NR4A2: variants seen among roughly 807,000 people sequenced by gnomAD.
The protein encoded by NR4A2 is NGFI-B/nur77 beta-type transcription factor homolog.
In NR4A2, 1 loss-of-function variant was observed where a neutral mutation model predicts 50.5. The observed-to-expected ratio is 0.02, with a 90% CI of 0.01 to 0.09. The LOEUF (loss-of-function observed/expected upper bound fraction) is 0.09, where lower values mean the gene tolerates loss of function less well. Ranked by LOEUF, NR4A2 falls within the 10% of genes least tolerant of loss-of-function variation. The pLI, the probability that NR4A2 is intolerant of heterozygous loss-of-function variation, is 1.00. For missense variants in NR4A2, 613 were observed against 777.3 expected (o/e 0.79, Z 2.51); for synonymous variants, 328 against 309.4 (o/e 1.06, Z -0.63).
At position 156,330,202 on chromosome 2, in the gene NR4A2, A is replaced by G. The variant is rs777300922; in HGVS notation, c.-2-14T>C. On this transcript the variant is annotated splice_polypyrimidine_tract_variant and intron_variant, in intron 2 of 7. Transcript: ENST00000339562. ...CACAAGGCATGGCTGGAAATGAAAC[A>G]GGGTGATAACACACTCAGCCTGGTC... is the stretch of plus-strand genomic sequence containing the variant. 1 of 1,613,870 alleles carries G rather than the reference A, an allele frequency of 6.2e-7. No individual in the cohort carries two copies. Among genetic ancestry groups the G allele is most frequent in the South Asian group, 1.1e-5 (1 of 91,038 alleles).
chr2:156,329,274 G>C lies in NR4A2; in HGVS notation c.864+49C>G, dbSNP rs1345920126. On this transcript the variant is annotated intron_variant, in intron 3 of 7. Transcript: ENST00000339562. The surrounding 1 kb of genome is among the most constrained non-coding windows in gnomAD (Gnocchi z 7.5). The stretch of plus-strand genomic sequence containing the variant: ...GGCAGAGGGCACACTCCGAGGTCCC[G>C]GGCACTAGGGGCTCCCTACCTGCCT... The C allele has an allele frequency of 6.3e-7, 1 of 1,583,686 alleles. No homozygotes were observed. Among genetic ancestry groups the C allele is most frequent in the Non-Finnish European group, 8.6e-7 (1 of 1,165,158 alleles).
chr2:156,332,719 C>T lies in NR4A2; in HGVS notation c.-366G>A. The T allele has an allele frequency of 2.8e-6, 1 of 351,942 alleles. No individual in the cohort carries two copies. The highest frequency in any genetic ancestry group is 5.6e-6 in the Non-Finnish European group (1 of 177,216). 21.8% of individuals were successfully genotyped at this position (351,942 alleles called of 1,614,324 possible). ...CGCCAATGTGCCTTTGTTTATGTGG[C>T]TTGCGCTGCCGCTGCCAACATGCAC... On this transcript the variant is annotated 5_prime_UTR_variant, in exon 1 of 8. Transcript: ENST00000339562.
At position 156,326,844 on chromosome 2, in the gene NR4A2, C is replaced by G. The variant is rs1573812725; in HGVS notation, c.1235G>C (p.Gly412Ala). The change falls in exon 6 of 8, where the codon GGC (glycine) becomes GCC (alanine). Residue 412 changes from glycine to alanine, a missense_variant. This residue lies in a region of NR4A2 where 250 missense variants were observed against 311.3 expected (regional missense o/e 0.80). Coordinates refer to ENST00000339562, the MANE Select transcript of NR4A2 (RefSeq NM_006186.4). The surrounding 1 kb of genome is among the most constrained non-coding windows in gnomAD (Gnocchi z 4.2). The stretch of plus-strand genomic sequence containing the variant: ...CCAGCCCCGGATGATCTCCATGGAG[C>G]CAGTCAGGAGATCATAGAATTGCTG... ...HIQQFYDLLT[G>A]SMEIIRGWAE... 1.9e-6 allele frequency: 3 copies of G among 1,614,214 alleles called. No individual in the cohort carries two copies. The highest frequency in any genetic ancestry group is 2.5e-6 in the Non-Finnish European group (3 of 1,180,020).
Position 156,330,705 on chromosome 2 carries a change from G to A in NR4A2, c.-40C>T. The A allele has an allele frequency of 3.1e-6, 4 of 1,269,920 alleles. No homozygotes were observed. The highest frequency in any genetic ancestry group is 3.0e-6 in the Non-Finnish European group (3 of 1,008,552). 78.7% of individuals were successfully genotyped at this position (1,269,920 alleles called of 1,614,324 possible). On this transcript the variant is annotated 5_prime_UTR_variant, in exon 2 of 8. Coordinates refer to ENST00000339562, the MANE Select transcript of NR4A2 (RefSeq NM_006186.4). ...TACAGGCGTTTTCGAGGAAATTAAA[G>A]GTGGACAGTGTCGTAATTCAATGAA...
At position 156,328,388 on chromosome 2, in the gene NR4A2, G is replaced by A. The variant is rs756924048; in HGVS notation, c.994+16C>T. On this transcript the variant is annotated intron_variant, in intron 4 of 7. Coordinates refer to ENST00000339562, the MANE Select transcript of NR4A2 (RefSeq NM_006186.4). This position sits in a 1 kb window ranked among gnomAD's most constrained non-coding sequence, Gnocchi z 4.9. ...AAAGGCGCAAACTGGAGGGTCGGCA[G>A]CTCCCCTCAGCCTACCTTCTTTGAC... is the stretch of plus-strand genomic sequence containing the variant. 1.5e-5 allele frequency: 25 copies of A among 1,614,012 alleles called. No homozygotes were observed. Among genetic ancestry groups the A allele is most frequent in the Non-Finnish European group, 1.8e-5 (21 of 1,180,010 alleles).
rs772527371 is a variant in NR4A2 at position 156,327,871 on chromosome 2, T to C, written c.1138A>G (p.Thr380Ala). ...RAHVDSNPAM[T>A]SLDYSRFQAN... ...CTTACCCTGGAATAGTCCAGGCTGG[T>C]CATAGCCGGGTTGGAGTCGACATGG... Residue 380 changes from threonine to alanine, a missense_variant, in exon 5 of 8, where the codon ACC becomes GCC. Transcript: ENST00000339562. 1 of 1,587,862 alleles carries C rather than the reference T, an allele frequency of 6.3e-7. No homozygotes were observed. The highest frequency in any genetic ancestry group is 1.1e-5 in the South Asian group (1 of 87,278).
Position 156,332,543 on chromosome 2 carries a change from G to T in NR4A2, c.-190C>A. The T allele has an allele frequency of 7.8e-7, 1 of 1,287,868 alleles. No homozygotes were observed. The highest frequency in any genetic ancestry group is 1.0e-6 in the Non-Finnish European group (1 of 987,690). The allele number at this position is 1,287,868 out of a possible 1,614,324, so 79.8% of individuals were successfully genotyped here. The stretch of plus-strand genomic sequence containing the variant: ...TGCCGAAGTGCAGTTCCCTCTGGGA[G>T]CCCGGGCGCCGGGGTCGGGTAGGGG... On this transcript the variant is annotated 5_prime_UTR_variant, in exon 1 of 8. Coordinates refer to ENST00000339562, the MANE Select transcript of NR4A2 (RefSeq NM_006186.4).
chr2:156,328,189 G>A lies in NR4A2; in HGVS notation c.995-175C>T, dbSNP rs1235337864. ...ATTAAAAAATGCGGGGTTATTTTAT[G>A]TCTTCCTCCAAATGGGTCGTATAGT... On this transcript the variant is annotated intron_variant, in intron 4 of 7. Coordinates refer to ENST00000339562, the MANE Select transcript of NR4A2 (RefSeq NM_006186.4). The surrounding 1 kb of genome is among the most constrained non-coding windows in gnomAD (Gnocchi z 4.9). 6.6e-6 allele frequency among the ~76,000 whole-genome samples: 1 copy of A among 152,226 alleles called. No individual in the cohort carries two copies. Among genetic ancestry groups the A allele is most frequent in the Non-Finnish European group, 1.5e-5 (1 of 68,046 alleles).
rs551940299 is a variant in NR4A2, at chr2:156,326,773, C to G, written c.1306G>C (p.Asp436His). The G allele has an allele frequency of 6.2e-7, 1 of 1,614,182 alleles. No homozygotes were observed. Among genetic ancestry groups the G allele is most frequent in the South Asian group, 1.1e-5 (1 of 91,082 alleles). Residue 436 changes from aspartate to histidine, a missense_variant, in exon 6 of 8, where the codon GAC becomes CAC. Physicochemically the swap from Asp to His is moderately conservative, Grantham distance 81. Coordinates refer to ENST00000339562, the MANE Select transcript of NR4A2 (RefSeq NM_006186.4). This position sits in a 1 kb window ranked among gnomAD's most constrained non-coding sequence, Gnocchi z 4.2. ...GFADLPKADQ[D>H]LLFESAFLEL... ...AAGAAAGCTGATTCAAAAAGCAGGT[C>G]TTGGTCGGCTTTGGGCAGGTCTGCG...
intron 1 of NR4A2, among the ~76,000 whole-genome samples, 165 bp downstream of exon 1, chr2:156,332,315 C>A (rs1025414702): frequency 3.1e-4 from 47 of 152,324 alleles, no homozygotes; most frequent in African/African-American, 1.1e-3. Context: ...ACAAATGCCC[C>A]CCGGTAACTG....
rs1302604416 is a variant in NR4A2 at position 156,329,046 on chromosome 2, C to T, written c.864+277G>A. 6.6e-6 allele frequency among the ~76,000 whole-genome samples: 1 copy of T among 152,230 alleles called. No individual in the cohort carries two copies. The highest frequency in any genetic ancestry group is 1.5e-5 in the Non-Finnish European group (1 of 68,038). On this transcript the variant is annotated intron_variant, in intron 3 of 7. Coordinates refer to ENST00000339562, the MANE Select transcript of NR4A2 (RefSeq NM_006186.4). The surrounding 1 kb of genome is among the most constrained non-coding windows in gnomAD (Gnocchi z 7.5). Reference sequence around the variant, plus strand: ...CATGCAAATGACCCTCTTCCAACTCCGGCTCCAGCAACTTCGGGCGGGGGC... The same window carrying T: ...CATGCAAATGACCCTCTTCCAACTCTGGCTCCAGCAACTTCGGGCGGGGGC...
chr2:156,330,559 C>T, intron 2 of NR4A2, 109 bp downstream of exon 2: 1 of 1,203,850 alleles, frequency 8.3e-7, no homozygotes, highest in Middle Eastern at 2.9e-4. Flanking sequence ...AAAGTTGTTC[C>T]CGAAGGCGAT....
intron 1 of NR4A2, among the ~76,000 whole-genome samples, 192 bp downstream of exon 1, chr2:156,332,288 C>T (rs1000623873): frequency 6.6e-6 from 1 of 152,196 alleles, no homozygotes; most frequent in Non-Finnish European, 1.5e-5. Context: ...CCCACTAGTG[C>T]CAAAGCCGGA....
rs1686653866 is a variant in NR4A2 at position 156,326,606 on chromosome 2, C to T, written c.1361+112G>A. 3 of 1,219,630 alleles carry T rather than the reference C, an allele frequency of 2.5e-6. No homozygotes were observed. Among genetic ancestry groups the T allele is most frequent in the Middle Eastern group, 2.2e-4 (1 of 4,626 alleles). The allele number at this position is 1,219,630 out of a possible 1,614,324, so 75.6% of individuals were successfully genotyped here. A position where few individuals can be genotyped will look rare whatever the true frequency, so the allele number is the denominator to read the frequency against. On this transcript the variant is annotated intron_variant, in intron 6 of 7. Transcript: ENST00000339562. This position sits in a 1 kb window ranked among gnomAD's most constrained non-coding sequence, Gnocchi z 4.2. Reference sequence around the variant, plus strand: ...TTCTTCCTTTCTCCGACTTCCATTTCCTATTCTGTCTTTTTCTCTACCCCA... The same window carrying T: ...TTCTTCCTTTCTCCGACTTCCATTTTCTATTCTGTCTTTTTCTCTACCCCA...
Position 156,324,848 on chromosome 2 carries a change from G to T in NR4A2, c.*896C>A, listed in dbSNP as rs1377432391. On this transcript the variant is annotated 3_prime_UTR_variant, in exon 8 of 8. Coordinates refer to ENST00000339562, the MANE Select transcript of NR4A2 (RefSeq NM_006186.4). ...CACTTACAAACAAGGAATGTTGGAC[G>T]GTGTTACAAACACTATGTGTCCCTT... 1.3e-5 allele frequency: 2 copies of T among 152,656 alleles called. No individual in the cohort carries two copies. Among genetic ancestry groups the T allele is most frequent in the South Asian group, 4.1e-4 (2 of 4,828 alleles). 9.5% of individuals were successfully genotyped at this position (152,656 alleles called of 1,614,324 possible).
chr2:156,325,134 T>C lies in NR4A2; in HGVS notation c.*610A>G, dbSNP rs1489548544. ...CTTATCTTTTAGAATTTGTAATATT[T>C]ATTCATAAATAGGCACAAAATAATT... On this transcript the variant is annotated 3_prime_UTR_variant, in exon 8 of 8. Transcript: ENST00000339562. The C allele has an allele frequency of 6.5e-6, 1 of 152,936 alleles. No individual in the cohort carries two copies. The allele number at this position is 152,936 out of a possible 1,614,324, so 9.5% of individuals were successfully genotyped here. A position where few individuals can be genotyped will look rare whatever the true frequency, so the allele number is the denominator to read the frequency against.
At position 156,329,452 on chromosome 2, in the gene NR4A2, G is replaced by A; in HGVS notation, c.735C>T (p.Asp245=). 6.2e-7 allele frequency: 1 copy of A among 1,608,574 alleles called. No homozygotes were observed. Among genetic ancestry groups the A allele is most frequent in the Non-Finnish European group, 8.5e-7 (1 of 1,179,244 alleles). The change falls in exon 3 of 8, where the codon GAC becomes GAT. Residue 245 remains aspartate, a synonymous_variant. Coordinates refer to ENST00000339562, the MANE Select transcript of NR4A2 (RefSeq NM_006186.4). This position sits in a 1 kb window ranked among gnomAD's most constrained non-coding sequence, Gnocchi z 7.5. ...GCGACGGCGGTGAGGGCACCTGCGT[G>A]TCGAGCAGCTGAGACGCGTGGCCGA... is the stretch of plus-strand genomic sequence containing the variant. The part of the protein sequence containing the change: ...LQIGHASQLL[D]TQVPSPPSRG...
rs1267165124 is a variant in NR4A2, at chr2:156,325,838, T to C, written c.1703A>G (p.Gln568Arg). ...CAGGTAGAAAATGCGCTGTAGCCCC[T>C]GTGTGCAAAGGGTACGAAGTTCTGG... ...KLPELRTLCT[Q>R]GLQRIFYLKL... is the part of the protein sequence containing the mutation. The change falls in exon 8 of 8, where the codon CAG becomes CGG. Residue 568 changes from glutamine to arginine, a missense_variant. Gln to Arg is a conservative substitution (Grantham distance 43). This residue lies in a region of NR4A2 where 250 missense variants were observed against 311.3 expected (regional missense o/e 0.80). Transcript: ENST00000339562. 6.2e-7 allele frequency: 1 copy of C among 1,614,208 alleles called. No individual in the cohort carries two copies. The highest frequency in any genetic ancestry group is 1.1e-5 in the South Asian group (1 of 91,082).
Position 156,326,640 on chromosome 2 carries a change from T to C in NR4A2, c.1361+78A>G. Reference sequence around the variant, plus strand: ...TCTTTTTCTCTACCCCACCCTCTGGTTTCCCTTCCTCCCTTTCTTTTCCTT... The same window carrying C: ...TCTTTTTCTCTACCCCACCCTCTGGCTTCCCTTCCTCCCTTTCTTTTCCTT... On this transcript the variant is annotated intron_variant, in intron 6 of 7. Transcript: ENST00000339562. This position sits in a 1 kb window ranked among gnomAD's most constrained non-coding sequence, Gnocchi z 4.2. 1 of 1,468,946 alleles carries C rather than the reference T, an allele frequency of 6.8e-7. No individual in the cohort carries two copies. The highest frequency in any genetic ancestry group is 9.5e-7 in the Non-Finnish European group (1 of 1,053,936). 91.0% of individuals were successfully genotyped at this position (1,468,946 alleles called of 1,614,324 possible).
Sources: gnomAD v4.1 joint callset for allele counts (sites outside exome capture counted in the v4.1 genomes callset) on GRCh38, gnomAD v4.1.1 for gene constraint, gnomAD v4.1.1 regional missense constraint, Gnocchi (gnomAD v3.1) non-coding constraint, MANE v1.5 for transcripts, NCBI Gene and HGNC (gene_info 2026-07-23, HGNC 2026-07-21) for gene names.